Variants in ATP6V1H observed in about 807,000 individuals in gnomAD.
ATP6V1H encodes the protein V-type proton ATPase subunit H.
ATP6V1H carries 39 observed loss-of-function variants against 71.7 expected under a neutral mutation model. That is an observed-to-expected ratio of 0.54 (90% CI 0.42 to 0.71). The LOEUF (loss-of-function observed/expected upper bound fraction) is 0.71. ATP6V1H is among the 30% of genes least tolerant of loss of function. ATP6V1H has a pLI of 0.00. For synonymous variants in ATP6V1H, 192 were observed against 199.3 expected (o/e 0.96, Z 0.31); for missense variants, 509 against 594.9 (o/e 0.86, Z 1.50).
At chr8:53,821,395 G>A (rs1810650961) in intron 4 of ATP6V1H, among the ~76,000 whole-genome samples, 1 of 149,962 alleles carries the variant, frequency 6.7e-6, no homozygotes, top group Admixed American at 6.7e-5. Context: ...AAAAGAGAGA[G>A]AGAGAGTCCA....
In ATP6V1H at chr8:53,785,597, G is replaced by A. The variant is rs188654083; in HGVS notation, c.870+10050C>T. ...TGCTGGTGAGGAGCTGCGTTCCTTT[G>A]GAGGAGGAGAGGTGCTCTGAGTTTT... is the stretch of plus-strand genomic sequence containing the variant. On this transcript the variant is annotated intron_variant, in intron 9 of 13. Coordinates refer to ENST00000359530, the MANE Select transcript of ATP6V1H (RefSeq NM_015941.4). Among the ~76,000 whole-genome samples the A allele has an allele frequency of 3.0e-3, 460 of 152,294 alleles. 3 individuals carry two copies. Among genetic ancestry groups the A allele is most frequent in the African/African-American group, 0.01 (436 of 41,558 alleles).
chr8:53,748,604 G>A (rs1807687798), intron 12 of ATP6V1H, among the ~76,000 whole-genome samples: 1 of 152,036 alleles, frequency 6.6e-6, no homozygotes, highest in South Asian at 2.1e-4. Context: ...CTCTGTAGAT[G>A]GAAAATACCC....
chr8:53,802,596 T>C (rs1177740415), intron 7 of ATP6V1H, among the ~76,000 whole-genome samples: 3 of 152,104 alleles, frequency 2.0e-5, no homozygotes, highest in African/African-American at 7.2e-5. Flanking sequence ...GGCGCACACC[T>C]GTAATCCCAG....
chr8:53,739,917 C>G (rs916749672), intron 13 of ATP6V1H, among the ~76,000 whole-genome samples: 3 of 152,224 alleles, frequency 2.0e-5, no homozygotes, highest in Non-Finnish European at 4.4e-5. Context: ...CCCAGCAACT[C>G]TATTCCTCCT....
At chr8:53,751,376 G>C (rs1036608116) in intron 12 of ATP6V1H, among the ~76,000 whole-genome samples, 1 of 152,178 alleles carries the variant, frequency 6.6e-6, no homozygotes, top group Admixed American at 6.5e-5. Context: ...GGATAAAAAG[G>C]CTGTACTAAC....
chr8:53,731,428 CCT>C (rs1185408884), intron 13 of ATP6V1H, among the ~76,000 whole-genome samples: 1 of 152,210 alleles, frequency 6.6e-6, no homozygotes, highest in South Asian at 2.1e-4. Flanking sequence ...AAAATCAACC[CCT>C]GACCTAACCA....
Position 53,827,857 on chromosome 8 carries a change from G to A in ATP6V1H, c.306+1587C>T, listed in dbSNP as rs185222993. On this transcript the variant is annotated intron_variant, in intron 4 of 13. Coordinates refer to ENST00000359530, the MANE Select transcript of ATP6V1H (RefSeq NM_015941.4). ...AGCTCCCACTTATAATTGAAAACAT[G>A]TGGTATTTGGTGTTCAGTTCCTGTG... Among the ~76,000 whole-genome samples, 707 of 152,110 alleles carry A rather than the reference G, an allele frequency of 4.6e-3. 7 individuals are homozygous for A. Among genetic ancestry groups the A allele is most frequent in the African/African-American group, 0.016 (649 of 41,478 alleles).
chr8:53,754,394 T>A (rs1380633591), intron 12 of ATP6V1H, among the ~76,000 whole-genome samples: 3 of 152,186 alleles, frequency 2.0e-5, no homozygotes, highest in Admixed American at 1.3e-4. Flanking sequence ...ATTAGTTTTA[T>A]ATGCCATTTC....
At chr8:53,766,672 G>C (rs1418650601) in intron 11 of ATP6V1H, among the ~76,000 whole-genome samples, 10 of 152,080 alleles carry the variant, frequency 6.6e-5, no homozygotes, top group African/African-American at 2.2e-4. Flanking sequence ...CTCTGAACTG[G>C]CCCCCCCAGG....
At chr8:53,749,071 G>A (rs1464925625) in intron 12 of ATP6V1H, among the ~76,000 whole-genome samples, 2 of 152,204 alleles carry the variant, frequency 1.3e-5, no homozygotes. Flanking sequence ...GATACAGGTG[G>A]CTCTTTTGAG....
rs7816739 is a variant in ATP6V1H at position 53,727,323 on chromosome 8, T to C, written c.1392-11299A>G. Among the ~76,000 whole-genome samples the C allele has an allele frequency of 2.3e-3, 349 of 152,326 alleles. 2 individuals are homozygous for C. Among genetic ancestry groups the C allele is most frequent in the African/African-American group, 8.0e-3 (331 of 41,576 alleles). On this transcript the variant is annotated intron_variant, in intron 13 of 13. Transcript: ENST00000359530. ...CTCCATCCTTCCTGAAATATACTTG[T>C]TTTCCTTTCCTTCCCTAACAGCACA...
At chr8:53,787,449 G>A (rs767014191) in intron 9 of ATP6V1H, among the ~76,000 whole-genome samples, 4 of 152,222 alleles carry the variant, frequency 2.6e-5, no homozygotes, top group Admixed American at 1.3e-4. Context: ...GTACATGCGT[G>A]TGCATGTTTA....
intron 3 of ATP6V1H, 102 bp from the exon 4 acceptor site, chr8:53,829,635 A>G: frequency 1.4e-6 from 1 of 691,404 alleles, no homozygotes; most frequent in South Asian, 1.9e-5. Flanking sequence ...TAGGATACAA[A>G]TATTACTAAC....
intron 9 of ATP6V1H, among the ~76,000 whole-genome samples, chr8:53,779,096 T>C (rs542556511): frequency 6.6e-6 from 1 of 152,208 alleles, no homozygotes; most frequent in African/African-American, 2.4e-5. Flanking sequence ...TCCACAATAA[T>C]AGCTAGAGAT....
At chr8:53,840,009 C>T (rs1312760090) in intron 2 of ATP6V1H, 20 of 729,226 alleles carry the variant, frequency 2.7e-5, no homozygotes, top group Non-Finnish European at 3.4e-5. Flanking sequence ...GCTGTTTTTG[C>T]TTCCCTGCCT....
chr8:53,766,958 T>A (rs1808492876), intron 11 of ATP6V1H, among the ~76,000 whole-genome samples: 1 of 152,184 alleles, frequency 6.6e-6, no homozygotes, highest in South Asian at 2.1e-4. Flanking sequence ...GAACTTGATG[T>A]CTGTCACCCA....
chr8:53,838,686 GA>G (rs1811246677), intron 2 of ATP6V1H, among the ~76,000 whole-genome samples: 1 of 152,054 alleles, frequency 6.6e-6, no homozygotes. Flanking sequence ...AGTTTGACTA[GA>G]ACACAGCCAT....
intron 4 of ATP6V1H, 31 bp from the exon 5 acceptor site, chr8:53,817,561 C>A: frequency 7.2e-7 from 1 of 1,386,270 alleles, no homozygotes; most frequent in South Asian, 1.2e-5. Context: ...TATCACCAGT[C>A]AGAACACATT....
chr8:53,790,104 CAG>C, intron 9 of ATP6V1H, among the ~76,000 whole-genome samples: 1 of 152,294 alleles, frequency 6.6e-6, no homozygotes, highest in Non-Finnish European at 1.5e-5. Context: ...TAACAGAAAA[CAG>C]GGACCCTCTC....
Sources: gnomAD v4.1 joint callset for allele counts (sites outside exome capture counted in the v4.1 genomes callset) on GRCh38, gnomAD v4.1.1 for gene constraint, MANE v1.5 for transcripts, NCBI Gene and HGNC (gene_info 2026-07-23, HGNC 2026-07-21) for gene names.